The following RPRD2 variants were observed in gnomAD, a reference collection of about 807,000 sequenced individuals.
The protein encoded by RPRD2 is regulation of nuclear pre-mRNA domain-containing protein 2.
A neutral mutation model predicts 104.4 loss-of-function variants in RPRD2; 12 were observed. That is an observed-to-expected ratio of 0.11 (90% CI 0.07 to 0.19). The LOEUF is 0.19. Ranked by LOEUF, RPRD2 falls within the 10% of genes least tolerant of loss-of-function variation. The pLI is 1.00. For missense variants in RPRD2, 1,543 were observed against 1,790.1 expected (o/e 0.86, Z 2.49); for synonymous variants, 714 against 684.9 (o/e 1.04, Z -0.66).
rs1300696064 is a variant in RPRD2 at position 150,471,906 on chromosome 1, T to C, written c.2958T>C (p.Gly986=). ...SPQNTLAAPT[G]HPPTSGVEKV... ...AGAACACCCTTGCCGCTCCCACGGG[T>C]CACCCACCCACGTCAGGCGTGGAGA... is the stretch of plus-strand genomic sequence containing the variant. Residue 986 remains glycine, a synonymous_variant, in exon 11 of 11, where the codon GGT becomes GGC. Transcript: ENST00000369068. The surrounding 1 kb of genome is among the most constrained non-coding windows in gnomAD (Gnocchi z 5.3). 2.5e-6 allele frequency: 4 copies of C among 1,613,812 alleles called. 1 individual carries two copies. In the African/African-American group the frequency reaches 5.3e-5, roughly 22 times the overall value.
chr1:150,382,004 T>G (rs922975158), intron 1 of RPRD2, among the ~76,000 whole-genome samples: 1 of 152,214 alleles, frequency 6.6e-6, no homozygotes, highest in Admixed American at 6.5e-5. Flanking sequence ...AATAAGATGC[T>G]TCATATGAAG....
At chr1:150,445,941 G>A (rs927387453) in intron 6 of RPRD2, among the ~76,000 whole-genome samples, 9 of 152,002 alleles carry the variant, frequency 5.9e-5, no homozygotes, top group South Asian at 2.1e-4. Flanking sequence ...GGTGGCAGGC[G>A]CCTGTAGTCC....
chr1:150,441,417 A>G (rs1187865571), intron 3 of RPRD2: 9 of 202,602 alleles, frequency 4.4e-5, no homozygotes, highest in Admixed American at 2.2e-4. Context: ...TAGTAAGCAT[A>G]TATCAGCAGT....
intron 1 of RPRD2, among the ~76,000 whole-genome samples, chr1:150,398,616 T>C (rs1662733923): frequency 6.6e-6 from 1 of 151,880 alleles, no homozygotes; most frequent in Non-Finnish European, 1.5e-5. Context: ...TGAACTCGGC[T>C]CACTACAATC....
chr1:150,430,927 C>CA (rs34205529), intron 2 of RPRD2, among the ~76,000 whole-genome samples: 1,778 of 135,458 alleles, frequency 0.013, 37 homozygotes, highest in African/African-American at 0.044. Context: ...AACTCCATCT[C>CA]AAAAAAAAAA....
chr1:150,467,191 TTGTC>T (rs1424840896), intron 10 of RPRD2, among the ~76,000 whole-genome samples: 2 of 152,110 alleles, frequency 1.3e-5, no homozygotes, highest in Non-Finnish European at 2.9e-5. Context: ...ATAGTGAACT[TTGTC>T]TGGAGGTGCA....
chr1:150,384,447 CATCATT>C (rs1226155808), intron 1 of RPRD2, among the ~76,000 whole-genome samples: 11 of 97,836 alleles, frequency 1.1e-4, no homozygotes, highest in African/African-American at 3.8e-4. Context: ...AAGGCATCAT[CATCATT>C]ATTATTATTA....
At chr1:150,436,073 T>C (rs1665967619) in intron 2 of RPRD2, among the ~76,000 whole-genome samples, 1 of 151,888 alleles carries the variant, frequency 6.6e-6, no homozygotes, top group African/African-American at 2.4e-5. Context: ...CACATCTGTT[T>C]ACAGTGTGGT....
intron 1 of RPRD2, among the ~76,000 whole-genome samples, chr1:150,412,275 C>T (rs1325147602): frequency 1.3e-5 from 2 of 152,092 alleles, no homozygotes; most frequent in African/African-American, 4.8e-5. Flanking sequence ...TAAGCATTTT[C>T]CCAGATTACC....
At chr1:150,425,789 T>C (rs192803550) in intron 2 of RPRD2, among the ~76,000 whole-genome samples, 2 of 152,192 alleles carry the variant, frequency 1.3e-5, no homozygotes, top group East Asian at 3.9e-4. Context: ...CATATAAATC[T>C]ACTTGGAGAT....
chr1:150,417,915 T>C (rs1014571961), intron 2 of RPRD2, among the ~76,000 whole-genome samples, 190 bp downstream of exon 2: 17 of 151,272 alleles, frequency 1.1e-4, no homozygotes, highest in African/African-American at 4.1e-4. Context: ...TCTTTTTCTC[T>C]CTCTCTCTTT....
At chr1:150,459,169 C>T (rs1434161195) in intron 8 of RPRD2, among the ~76,000 whole-genome samples, 1 of 152,114 alleles carries the variant, frequency 6.6e-6, no homozygotes, top group Non-Finnish European at 1.5e-5. Flanking sequence ...TCTTATATCC[C>T]CAGCCTTCAT....
rs779634430 is a variant in RPRD2 at position 150,473,091 on chromosome 1, A to G, written c.4143A>G (p.Pro1381=). The G allele has an allele frequency of 1.1e-5, 18 of 1,613,742 alleles. No homozygotes were observed. The highest frequency in any genetic ancestry group is 2.7e-5 in the African/African-American group (2 of 74,902). Residue 1381 remains proline (P), a synonymous_variant, in exon 11 of 11, where the codon CCA becomes CCG. Transcript: ENST00000369068. ...CCCATTCTCTGGAACACCTGGGCCC[A>G]CCCCATGGAGGAGGAGGTGGGGGAG... ...LPSHSLEHLG[P]PHGGGGGGGS...
intron 8 of RPRD2, 26 bp downstream of exon 8, chr1:150,457,596 A>T: frequency 6.3e-7 from 1 of 1,599,388 alleles, no homozygotes; most frequent in Non-Finnish European, 8.6e-7. Flanking sequence ...ATTAATAGAC[A>T]ACTTATTCCT....
In RPRD2 at chr1:150,364,709, G is replaced by A. The variant is rs1553876849; in HGVS notation, c.-6G>A. 1.3e-6 allele frequency: 2 copies of A among 1,551,832 alleles called. No homozygotes were observed. Among genetic ancestry groups the A allele is most frequent in the African/African-American group, 2.7e-5 (2 of 73,308 alleles). ...AGGAGCAGCAGCGCTTGTGCAAACC[G>A]GGAAGATGGCGGCCGGCGGCGGCGG... On this transcript the variant is annotated 5_prime_UTR_variant, in exon 1 of 11. Coordinates refer to ENST00000369068, the MANE Select transcript of RPRD2 (RefSeq NM_015203.5).
chr1:150,382,561 G>T (rs1176374867), intron 1 of RPRD2, among the ~76,000 whole-genome samples: 1 of 152,162 alleles, frequency 6.6e-6, no homozygotes, highest in Non-Finnish European at 1.5e-5. Flanking sequence ...GTTTCATCAT[G>T]TTGGCCATGT....
chr1:150,406,690 C>A (rs587771433), intron 1 of RPRD2, among the ~76,000 whole-genome samples: 1 of 152,200 alleles, frequency 6.6e-6, no homozygotes, highest in South Asian at 2.1e-4. Flanking sequence ...TGCGCCACCA[C>A]GCCCTGCCAA....
At chr1:150,408,401 G>T (rs186401644) in intron 1 of RPRD2, among the ~76,000 whole-genome samples, 1 of 151,974 alleles carries the variant, frequency 6.6e-6, no homozygotes, top group East Asian at 1.9e-4. Flanking sequence ...TGATCTATCC[G>T]CCTCGGCCTC....
chr1:150,382,581 A>G (rs782501437), intron 1 of RPRD2, among the ~76,000 whole-genome samples: 1 of 151,232 alleles, frequency 6.6e-6, no homozygotes, highest in Non-Finnish European at 1.5e-5. Context: ...TTGGTCTTGA[A>G]CTCCTGACCT....
Sources: gnomAD v4.1 joint callset for allele counts (sites outside exome capture counted in the v4.1 genomes callset) on GRCh38, gnomAD v4.1.1 for gene constraint, Gnocchi (gnomAD v3.1) non-coding constraint, MANE v1.5 for transcripts, NCBI Gene and HGNC (gene_info 2026-07-23, HGNC 2026-07-21) for gene names.